SETMAR: variants seen among roughly 807,000 people sequenced by gnomAD.
SETMAR encodes histone-lysine N-methyltransferase SETMAR.
A neutral mutation model predicts 58.4 loss-of-function variants in SETMAR; 44 were observed. The ratio of observed to expected loss-of-function variants is 0.75; its 90% confidence interval spans 0.59 to 0.97. SETMAR has a LOEUF of 0.97. Among genes scored for constraint, SETMAR ranks in the 50% least tolerant of loss-of-function variants. The pLI, the probability that SETMAR is intolerant of heterozygous loss-of-function variation, is 0.00. For synonymous variants in SETMAR, 332 were observed against 307.4 expected (o/e 1.08, Z -0.84); for missense variants, 903 against 840.2 (o/e 1.07, Z -0.92).
At chr3:4,309,136 G>C (rs562035838) in intron 1 of SETMAR, among the ~76,000 whole-genome samples, 1 of 152,206 alleles carries the variant, frequency 6.6e-6, no homozygotes, top group Non-Finnish European at 1.5e-5. Flanking sequence ...TAAGATAAAG[G>C]GTTGTGGAGA....
chr3:4,307,762 C>T (rs1446774133), intron 1 of SETMAR, among the ~76,000 whole-genome samples: 1 of 152,176 alleles, frequency 6.6e-6, no homozygotes, highest in African/African-American at 2.4e-5. Flanking sequence ...CCCAGCCAGG[C>T]ATGGTGGCTC....
In SETMAR at chr3:4,303,877, A is replaced by G. The variant is rs755513194; in HGVS notation, c.156+351A>G. The G allele has an allele frequency of 3.9e-6, 5 of 1,284,500 alleles. No homozygotes were observed. In the South Asian group the frequency reaches 5.3e-5, roughly 14 times the overall value. The allele number at this position is 1,284,500 out of a possible 1,614,324, so 79.6% of individuals were successfully genotyped here. The stretch of plus-strand genomic sequence containing the variant: ...TCAGGTGTCTCTCACAGGTAGGATA[A>G]GCCGTGGGGCCTATTAATGGATCGC... On this transcript the variant is annotated intron_variant, in intron 1 of 2. Transcript: ENST00000358065.
chr3:4,311,180 A>C (rs564621999), intron 1 of SETMAR, among the ~76,000 whole-genome samples: 4 of 152,296 alleles, frequency 2.6e-5, no homozygotes, highest in African/African-American at 7.2e-5. Context: ...CTTTCACAAG[A>C]GGATGTCAAT....
chr3:4,305,245 C>G (rs1350735561), intron 1 of SETMAR, among the ~76,000 whole-genome samples: 2 of 152,062 alleles, frequency 1.3e-5, no homozygotes, highest in East Asian at 3.9e-4. Flanking sequence ...ACAACCACGC[C>G]CAGCTGATTT....
intron 1 of SETMAR, among the ~76,000 whole-genome samples, chr3:4,305,573 G>A (rs1011633170): frequency 3.9e-5 from 6 of 152,186 alleles, no homozygotes; most frequent in African/African-American, 1.4e-4. Context: ...TTTCCCACAA[G>A]AGACAACCCT....
intron 1 of SETMAR, among the ~76,000 whole-genome samples, chr3:4,306,063 A>C (rs1262764758): frequency 1.3e-5 from 2 of 152,236 alleles, no homozygotes; most frequent in Non-Finnish European, 2.9e-5. Context: ...TGGGCTGCAA[A>C]GAATACAACA....
In SETMAR at chr3:4,303,414, C is replaced by T. The variant is rs1698030257; in HGVS notation, c.44C>T (p.Ala15Val). 2 of 1,556,104 alleles carry T rather than the reference C, an allele frequency of 1.3e-6. No homozygotes were observed. Among genetic ancestry groups the T allele is most frequent in the Non-Finnish European group, 1.7e-6 (2 of 1,156,052 alleles). The stretch of plus-strand genomic sequence containing the variant: ...AAGACGACACGGCCTTGTGGGATGG[C>T]GGAGTTTAAGGAGAAGCCTGAGGCC... ...AAKTTRPCGM[A>V]EFKEKPEAPT... Residue 15 changes from alanine to valine, a missense_variant, in exon 1 of 3, where the codon GCG (alanine) becomes GTG (valine). Physicochemically the swap from Ala to Val is moderately conservative, Grantham distance 64. Coordinates refer to ENST00000358065, the MANE Select transcript of SETMAR (RefSeq NM_006515.4).
At chr3:4,314,136 A>G in intron 2 of SETMAR, 1 of 275,446 alleles carries the variant, frequency 3.6e-6, no homozygotes, top group East Asian at 7.0e-5. Flanking sequence ...ACCCTGGGAA[A>G]GGAAGCCATT....
intron 2 of SETMAR, 140 bp downstream of exon 2, chr3:4,313,901 C>A: frequency 7.0e-7 from 1 of 1,418,822 alleles, no homozygotes; most frequent in East Asian, 2.3e-5. Context: ...TATCCTTTCC[C>A]CTTTCTGTAA....
At chr3:4,311,658 C>T (rs140863016) in intron 1 of SETMAR, among the ~76,000 whole-genome samples, 2 of 152,206 alleles carry the variant, frequency 1.3e-5, no homozygotes, top group Non-Finnish European at 2.9e-5. Flanking sequence ...ATTGGCAGCT[C>T]TCAGGCAGAG....
At chr3:4,315,794 C>T (rs1698613064) in intron 2 of SETMAR, among the ~76,000 whole-genome samples, 1 of 152,000 alleles carries the variant, frequency 6.6e-6, no homozygotes, top group Non-Finnish European at 1.5e-5. Flanking sequence ...CACCTGTAAT[C>T]CCAGCACTTT....
At position 4,316,637 on chromosome 3, in the gene SETMAR, C is replaced by T; in HGVS notation, c.1446C>T (p.Arg482=). ...AAGTGTCATCTTCTCTTATTCTACG[C>T]AACCACAACGAACCATTTCTCGATC... ...RFEVSSSLIL[R]NHNEPFLDRI... The change falls in exon 3 of 3, where the codon CGC becomes CGT. Residue 482 remains arginine, a synonymous_variant. Coordinates refer to ENST00000358065, the MANE Select transcript of SETMAR (RefSeq NM_006515.4). The T allele has an allele frequency of 3.9e-6, 6 of 1,551,250 alleles. No individual in the cohort carries two copies. The highest frequency in any genetic ancestry group is 5.2e-6 in the Non-Finnish European group (6 of 1,146,756).
At chr3:4,309,189 G>A (rs1200864404) in intron 1 of SETMAR, among the ~76,000 whole-genome samples, 1 of 152,182 alleles carries the variant, frequency 6.6e-6, no homozygotes, top group African/African-American at 2.4e-5. Context: ...CAGGTAGCAG[G>A]CTTCAGAGAG....
rs377114107 is a variant in SETMAR at position 4,313,290 on chromosome 3, C to A, written c.549C>A (p.His183Gln). The A allele has an allele frequency of 1.9e-6, 3 of 1,613,912 alleles. No individual in the cohort carries two copies. The highest frequency in any genetic ancestry group is 2.5e-6 in the Non-Finnish European group (3 of 1,179,924). The change falls in exon 2 of 3, where the codon CAC becomes CAA. Residue 183 changes from histidine (H) to glutamine (Q), a missense_variant. His to Gln is a conservative substitution (Grantham distance 24). Transcript: ENST00000358065. ...LGFSEVQRRI[H>Q]LQTKSDSNYI... ...TCTCTGAAGTTCAGAGAAGAATTCA[C>A]TTACAAACAAAATCCGACTCCAATT...
At chr3:4,303,592 G>T in intron 1 of SETMAR, 66 bp downstream of exon 1, 2 of 1,374,580 alleles carry the variant, frequency 1.5e-6, no homozygotes, top group Non-Finnish European at 1.9e-6. Context: ...TCCTCAAGCC[G>T]CCTCGCTGGG....
Position 4,313,578 on chromosome 3 carries a change from T to G in SETMAR, c.837T>G (p.Asp279Glu), listed in dbSNP as rs1204992366. The G allele has an allele frequency of 5.0e-6, 8 of 1,614,066 alleles. No homozygotes were observed. The highest frequency in any genetic ancestry group is 6.8e-6 in the Non-Finnish European group (8 of 1,179,984). The change falls in exon 2 of 3, where the codon GAT becomes GAG. Residue 279 changes from aspartate to glutamate, a missense_variant. Coordinates refer to ENST00000358065, the MANE Select transcript of SETMAR (RefSeq NM_006515.4). Reference protein sequence around the residue: ...LTVSEDKERLDHGKLRKPCYC... With the variant: ...LTVSEDKERLEHGKLRKPCYC... ...TCAGTGAAGACAAAGAAAGGCTAGA[T>G]CATGGGAAACTAAGGAAACCTTGTT...
At chr3:4,308,831 T>C (rs1382054669) in intron 1 of SETMAR, among the ~76,000 whole-genome samples, 1 of 150,940 alleles carries the variant, frequency 6.6e-6, no homozygotes, top group Non-Finnish European at 1.5e-5. Context: ...GACTTGTCTA[T>C]GAAAAGAGTC....
At chr3:4,311,365 A>G (rs955571665) in intron 1 of SETMAR, among the ~76,000 whole-genome samples, 6 of 152,224 alleles carry the variant, frequency 3.9e-5, no homozygotes, top group African/African-American at 1.4e-4. Flanking sequence ...ACATTCCTTC[A>G]GGTGCTTTAA....
rs1183015837 is a variant in SETMAR at position 4,316,510 on chromosome 3, A to T, written c.1319A>T (p.His440Leu). Residue 440 changes from histidine (H) to leucine (L), a missense_variant, in exon 3 of 3, where the codon CAT becomes CTT. Transcript: ENST00000358065. Reference sequence around the variant, plus strand: ...GTTGCTGAAGAACTCAATGTCAACCATTCTACGGTCGTTCGACATTTGAAG... The same window carrying T: ...GTTGCTGAAGAACTCAATGTCAACCTTTCTACGGTCGTTCGACATTTGAAG... ...REVAEELNVN[H>L]STVVRHLKQI... is the part of the protein sequence containing the mutation. 1 of 1,594,926 alleles carries T rather than the reference A, an allele frequency of 6.3e-7. No homozygotes were observed. The highest frequency in any genetic ancestry group is 1.3e-5 in the African/African-American group (1 of 74,678).
Sources: gnomAD v4.1 joint callset for allele counts (sites outside exome capture counted in the v4.1 genomes callset) on GRCh38, gnomAD v4.1.1 for gene constraint, MANE v1.5 for transcripts, NCBI Gene and HGNC (gene_info 2026-07-23, HGNC 2026-07-21) for gene names.